Variants in OTOG observed in about 807,000 individuals in gnomAD.
OTOG encodes the protein otogelin.
Under a neutral mutation model 313.8 loss-of-function variants are expected in OTOG, and 296 were observed. The observed-to-expected ratio is 0.94, with a 90% CI of 0.86 to 1.04. The LOEUF (loss-of-function observed/expected upper bound fraction) is 1.04, where lower values mean the gene tolerates loss of function less well. Among genes scored for constraint, OTOG ranks in the 50% least tolerant of loss-of-function variants. The probability of loss-of-function intolerance (pLI) is 0.00; values close to 1 mark genes in which losing one functional copy is unlikely to be tolerated. For missense variants in OTOG, 3,948 were observed against 3,840.1 expected (o/e 1.03, Z -0.74); for synonymous variants, 1,533 against 1,554.9 (o/e 0.99, Z 0.33).
intron 28 of OTOG, among the ~76,000 whole-genome samples, chr11:17,594,760 G>C (rs58345769): frequency 0.039 from 5,976 of 152,290 alleles, 424 homozygotes; most frequent in African/African-American, 0.14. Context: ...GTAGACCTGG[G>C]TTCTTGTCTT....
chr11:17,615,655 G>T (rs945231742), intron 39 of OTOG, among the ~76,000 whole-genome samples: 5 of 152,182 alleles, frequency 3.3e-5, no homozygotes, highest in African/African-American at 9.7e-5. Context: ...AACTGGCCAG[G>T]CACAGTGGCT....
intron 39 of OTOG, among the ~76,000 whole-genome samples, chr11:17,618,690 A>G (rs1443234689): frequency 1.3e-5 from 2 of 152,128 alleles, no homozygotes; most frequent in Non-Finnish European, 2.9e-5. Flanking sequence ...TTCTCTTTGG[A>G]GTTTTATCAG....
rs1203374168 is a variant in OTOG, at chr11:17,570,231, G to A, written c.1796G>A (p.Arg599Lys). 5.8e-6 allele frequency: 9 copies of A among 1,550,786 alleles called. No homozygotes were observed. Among genetic ancestry groups the A allele is most frequent in the Non-Finnish European group, 7.0e-6 (8 of 1,146,998 alleles). The change falls in exon 17 of 56, where the codon AGG becomes AAG. Residue 599 changes from arginine (R) to lysine (K), a missense_variant. Transcript: ENST00000399397. Reference sequence around the variant, plus strand: ...TGCCCAGATGCCTTTGAGATCCGTAGGCTGTCCTCCGTGTTCCTGCGGGTG... The same window carrying A: ...TGCCCAGATGCCTTTGAGATCCGTAAGCTGTCCTCCGTGTTCCTGCGGGTG... ...PYTDDAFEIR[R>K]LSSVFLRVRT...
At position 17,612,283 on chromosome 11, in the gene OTOG, C is replaced by T; in HGVS notation, c.6245C>T (p.Ala2082Val). 1 of 1,543,150 alleles carries T rather than the reference C, an allele frequency of 6.5e-7. No individual in the cohort carries two copies. Among genetic ancestry groups the T allele is most frequent in the Non-Finnish European group, 8.7e-7 (1 of 1,146,788 alleles). ...APPRCGILGL[A>V]VRVGGDRCCP... ...CCTCGCTGTGGGATCCTGGGCCTCG[C>T]CGTGCGGGTGGGTGGGGACCGCTGC... The change falls in exon 37 of 56, where the codon GCC (alanine) becomes GTC (valine). Residue 2082 changes from alanine (A) to valine (V), a missense_variant. Physicochemically the swap from Ala to Val is moderately conservative, Grantham distance 64 (BLOSUM62 0). Coordinates refer to ENST00000399397, the MANE Select transcript of OTOG (RefSeq NM_001292063.2).
rs542660433 is a variant in OTOG at position 17,547,360 on chromosome 11, C to G, written c.-13C>G. On this transcript the variant is annotated 5_prime_UTR_variant, in exon 1 of 56. Coordinates refer to ENST00000399397, the MANE Select transcript of OTOG (RefSeq NM_001292063.2). ...GGCCCTGCGCTCAAGTCCTCCGGTCCCCTCGTGTCCCTATGGGAGTCCTGG... is the reference window on the plus strand; with the variant it reads ...GGCCCTGCGCTCAAGTCCTCCGGTCGCCTCGTGTCCCTATGGGAGTCCTGG... The G allele has an allele frequency of 7.5e-7, 1 of 1,339,934 alleles. No individual in the cohort carries two copies. Among genetic ancestry groups the G allele is most frequent in the African/African-American group, 1.5e-5 (1 of 65,474 alleles). The allele number at this position is 1,339,934 out of a possible 1,614,324, so 83.0% of individuals were successfully genotyped here.
chr11:17,553,207 G>C lies in OTOG; in HGVS notation c.381G>C (p.Gln127His). The C allele has an allele frequency of 1.3e-6, 2 of 1,550,438 alleles. No individual in the cohort carries two copies. The highest frequency in any genetic ancestry group is 1.7e-6 in the Non-Finnish European group (2 of 1,146,968). Residue 127 changes from glutamine to histidine, a missense_variant, in exon 5 of 56, where the codon CAG becomes CAC. Transcript: ENST00000399397. ...TCAATGCCACTGGACCGCGCTGCCA[G>C]ATGGGTGGGTCTGGGCTCCACCCCA... The part of the protein sequence containing the change: ...RRFNATGPRC[Q>H]MVYNAGPERD...
Position 17,557,109 on chromosome 11 carries a change from G to T in OTOG, c.660-9G>T. On this transcript the variant is annotated splice_polypyrimidine_tract_variant and intron_variant, in intron 7 of 55. Transcript: ENST00000399397. Reference sequence around the variant, plus strand: ...TGGATACCCTGAAGCTCTGGGATGTGCCCTGCAGGGTCCAACTGCCACATG... The same window carrying T: ...TGGATACCCTGAAGCTCTGGGATGTTCCCTGCAGGGTCCAACTGCCACATG... 1.9e-6 allele frequency: 3 copies of T among 1,548,746 alleles called. No individual in the cohort carries two copies. Among genetic ancestry groups the T allele is most frequent in the Non-Finnish European group, 1.7e-6 (2 of 1,146,934 alleles).
At position 17,610,700 on chromosome 11, in the gene OTOG, T is replaced by A. The variant is rs781243209; in HGVS notation, c.5400T>A (p.Ser1800=). ...LESTRPSQLL[S]GLPPDTSLPL... ...CAACTCGTCCCTCCCAGCTCCTCTC[T>A]GGCCTGCCTCCCGACACCAGCCTGC... The change falls in exon 36 of 56, where the codon TCT becomes TCA. Residue 1800 remains serine (S), a synonymous_variant. Transcript: ENST00000399397. 3.2e-6 allele frequency: 5 copies of A among 1,550,476 alleles called. No homozygotes were observed. The East Asian group carries it at 1.2e-4, about 38-fold the overall frequency.
chr11:17,612,787 C>G, intron 38 of OTOG, 22 bp downstream of exon 38: 4 of 1,548,020 alleles, frequency 2.6e-6, no homozygotes, highest in East Asian at 2.4e-5. Context: ...ATACCTCCCT[C>G]CCTGCTGGGG....
At chr11:17,588,474 C>G (rs542396878) in intron 24 of OTOG, among the ~76,000 whole-genome samples, 1 of 152,234 alleles carries the variant, frequency 6.6e-6, no homozygotes, top group Admixed American at 6.5e-5. Flanking sequence ...GTATTTCCAG[C>G]AGTTATGCAT....
rs968680137 is a variant in OTOG at position 17,645,911 on chromosome 11, G to A, written c.8709G>A (p.Gln2903=). ...CCACCTGGGTGCCCTATACAGTGCA[G>A]GAGCCCACCGACTGTGCCTGCCAGT... ...TNATWVPYTV[Q]EPTDCACQWS is the part of the protein sequence containing the mutation. The change falls in exon 56 of 56, where the codon CAG becomes CAA. Residue 2903 remains glutamine, a synonymous_variant. Coordinates refer to ENST00000399397, the MANE Select transcript of OTOG (RefSeq NM_001292063.2). 4 of 1,550,062 alleles carry A rather than the reference G, an allele frequency of 2.6e-6. No individual in the cohort carries two copies. Among genetic ancestry groups the A allele is most frequent in the Non-Finnish European group, 3.5e-6 (4 of 1,147,006 alleles).
At position 17,558,621 on chromosome 11, in the gene OTOG, C is replaced by T; in HGVS notation, c.1080C>T (p.Ala360=). The change falls in exon 10 of 56, where the codon GCC becomes GCT. Residue 360 remains alanine (A), a synonymous_variant. Coordinates refer to ENST00000399397, the MANE Select transcript of OTOG (RefSeq NM_001292063.2). ...ACGTCAGCCCTCTGCCCTTCACAGC[C>T]AGTTGTACCAGTGATCTCTGCCAGT... ...HAYVSPLPFT[A]SCTSDLCQSM... 6.5e-7 allele frequency: 1 copy of T among 1,550,218 alleles called. No homozygotes were observed. The highest frequency in any genetic ancestry group is 8.7e-7 in the Non-Finnish European group (1 of 1,146,998).
chr11:17,615,137 TG>T (rs1402267604), intron 39 of OTOG, among the ~76,000 whole-genome samples: 3 of 152,246 alleles, frequency 2.0e-5, no homozygotes, highest in Non-Finnish European at 4.4e-5. Context: ...CATCTTTCCA[TG>T]GGTTTATTTT....
intron 29 of OTOG, among the ~76,000 whole-genome samples, chr11:17,596,422 A>C (rs1308899356): frequency 6.6e-6 from 1 of 152,236 alleles, no homozygotes; most frequent in Non-Finnish European, 1.5e-5. Flanking sequence ...AAGTTCTTCT[A>C]AATGGTGGAC....
At position 17,610,953 on chromosome 11, in the gene OTOG, T is replaced by A. The variant is rs923743309; in HGVS notation, c.5653T>A (p.Ser1885Thr). Reference protein sequence around the residue: ...GLLLGATLPTSGVLPVAEGTA... With the variant: ...GLLLGATLPTTGVLPVAEGTA... ...GCTGCTGGGAGCCACATTGCCAACC[T>A]CTGGAGTCCTGCCTGTGGCTGAGGG... The change falls in exon 36 of 56, where the codon TCT becomes ACT. Residue 1885 changes from serine to threonine, a missense_variant. By Grantham distance (58) the Ser-to-Thr change is moderately conservative. Coordinates refer to ENST00000399397, the MANE Select transcript of OTOG (RefSeq NM_001292063.2). 1 of 1,550,438 alleles carries A rather than the reference T, an allele frequency of 6.4e-7. No individual in the cohort carries two copies. The highest frequency in any genetic ancestry group is 2.0e-5 in the Admixed American group (1 of 51,012).
In OTOG at chr11:17,635,194, C is replaced by A; in HGVS notation, c.7693+7C>A. On this transcript the variant is annotated splice_region_variant and intron_variant, in intron 46 of 55. Coordinates refer to ENST00000399397, the MANE Select transcript of OTOG (RefSeq NM_001292063.2). ...TGCACCTCCTACTTCTGCGGTGGGT[C>A]GCCGCCACCAGACGCCAGCGCACAC... 2.0e-6 allele frequency: 3 copies of A among 1,537,090 alleles called. No homozygotes were observed. The highest frequency in any genetic ancestry group is 2.6e-6 in the Non-Finnish European group (3 of 1,143,886).
At chr11:17,643,199 G>A (rs1343137832) in intron 53 of OTOG, among the ~76,000 whole-genome samples, 1 of 152,208 alleles carries the variant, frequency 6.6e-6, no homozygotes, top group Admixed American at 6.5e-5. Flanking sequence ...GAAGACATGA[G>A]GGGAACTGCC....
At chr11:17,566,562 C>T (rs1349897466) in intron 15 of OTOG, among the ~76,000 whole-genome samples, 1 of 152,144 alleles carries the variant, frequency 6.6e-6, no homozygotes, top group Non-Finnish European at 1.5e-5. Context: ...AATTCTAATC[C>T]ATTCCACATG....
chr11:17,609,820 C>T lies in OTOG; in HGVS notation c.4520C>T (p.Thr1507Ile). The T allele has an allele frequency of 1.3e-6, 2 of 1,531,212 alleles. No individual in the cohort carries two copies. The highest frequency in any genetic ancestry group is 8.8e-7 in the Non-Finnish European group (1 of 1,135,054). 94.9% of individuals were successfully genotyped at this position (1,531,212 alleles called of 1,614,324 possible). ...CTCACCCCAGCTGCCCCACTCACCA[C>T]AGCCCTGAACCCACCAGTGACAGCC... ...PALTPAAPLT[T>I]ALNPPVTATE... Residue 1507 changes from threonine (T) to isoleucine (I), a missense_variant, in exon 36 of 56, where the codon ACA (threonine) becomes ATA (isoleucine). Physicochemically the swap from Thr to Ile is moderately conservative, Grantham distance 89 (BLOSUM62 -1). Transcript: ENST00000399397.
Sources: allele counts gnomAD v4.1 joint callset (sites outside exome capture counted in the v4.1 genomes callset), GRCh38; gene constraint gnomAD v4.1.1; transcripts MANE v1.5; gene names NCBI Gene and HGNC (gene_info 2026-07-23, HGNC 2026-07-21).